FOXP2: variants seen among roughly 807,000 people sequenced by gnomAD.
FOXP2 encodes forkhead box P2, also known as forkhead box protein P2.
Under a neutral mutation model 115.8 loss-of-function variants are expected in FOXP2, and 12 were observed. That is an observed-to-expected ratio of 0.10 (90% confidence interval 0.07 to 0.17). The LOEUF (loss-of-function observed/expected upper bound fraction) is 0.17. FOXP2 is among the 10% of genes least tolerant of loss of function. FOXP2 has a pLI of 1.00. For synonymous variants in FOXP2, 328 were observed against 297.7 expected, an observed-to-expected ratio of 1.10 and a Z score of -1.05; for missense variants, 629 against 843.5, an observed-to-expected ratio of 0.75 and a Z score of 3.15.
chr7:114,497,934 C>A (rs1319226967), intron 2 of FOXP2, among the ~76,000 whole-genome samples: 1 of 152,018 alleles, frequency 6.6e-6, no homozygotes, highest in African/African-American at 2.4e-5. Flanking sequence ...TTAAAAAACT[C>A]AGCACTGTAC....
intron 3 of FOXP2, among the ~76,000 whole-genome samples, chr7:114,552,302 A>G (rs896795767): frequency 2.0e-5 from 3 of 152,166 alleles, no homozygotes; most frequent in African/African-American, 7.2e-5. Flanking sequence ...TGGGAGAGGC[A>G]CTGGGTTCAA....
intron 1 of FOXP2, among the ~76,000 whole-genome samples, chr7:114,101,899 T>TTGTGTG (rs5886693): frequency 0.052 from 7,376 of 142,364 alleles, 224 homozygotes; most frequent in South Asian, 0.083. Context: ...CTTCAACATT[T>TTGTGTG]TGTGTGTGTG....
At chr7:114,687,484 T>C (rs1808427563) in intron 16 of FOXP2, among the ~76,000 whole-genome samples, 1 of 152,208 alleles carries the variant, frequency 6.6e-6, no homozygotes, top group Non-Finnish European at 1.5e-5. Context: ...GACATCTTAA[T>C]ATAGCGTAAA....
At chr7:114,587,992 C>G (rs1168536836) in intron 3 of FOXP2, among the ~76,000 whole-genome samples, 2 of 150,638 alleles carry the variant, frequency 1.3e-5, no homozygotes, top group Admixed American at 1.3e-4. Context: ...AGTCTCAGCC[C>G]TATTGTTGAA....
chr7:114,321,491 C>T (rs1239905549), intron 2 of FOXP2, among the ~76,000 whole-genome samples: 2 of 152,072 alleles, frequency 1.3e-5, no homozygotes, highest in Non-Finnish European at 2.9e-5. Flanking sequence ...AGCCACCTGG[C>T]CTGGCCTCTA....
intron 1 of FOXP2, among the ~76,000 whole-genome samples, chr7:114,177,096 G>A (rs922883183): frequency 6.6e-6 from 1 of 151,980 alleles, no homozygotes; most frequent in South Asian, 2.1e-4. Flanking sequence ...CATTCTATTT[G>A]GGGGCATTTT....
intron 2 of FOXP2, among the ~76,000 whole-genome samples, chr7:114,464,208 T>C (rs1464152156): frequency 6.6e-6 from 1 of 151,996 alleles, no homozygotes; most frequent in African/African-American, 2.4e-5. Flanking sequence ...AAAGGGTAGA[T>C]ACTAAGACCT....
intron 2 of FOXP2, among the ~76,000 whole-genome samples, chr7:114,453,213 G>A (rs1162521792): frequency 6.6e-6 from 1 of 152,028 alleles, no homozygotes; most frequent in Non-Finnish European, 1.5e-5. Context: ...CCTGTAAATT[G>A]CATATAAATT....
intron 3 of FOXP2, among the ~76,000 whole-genome samples, chr7:114,583,081 G>A (rs1034659293): frequency 1.3e-5 from 2 of 152,124 alleles, no homozygotes; most frequent in African/African-American, 4.8e-5. Context: ...GTCCACAGTT[G>A]AAAAACTTTG....
rs1795471105 is a variant in FOXP2, at chr7:114,459,607, T to A, written c.168+32928T>A. Among the ~76,000 whole-genome samples, 4 of 152,148 alleles carry A rather than the reference T, an allele frequency of 2.6e-5. No individual in the cohort carries two copies. In the South Asian group the frequency reaches 8.3e-4, roughly 32 times the overall value. ...TGTTATTGTTTCTTTGGTTTTTTGTTTGTTTTTGTTTGTTTGTTTGTTTGT... is the reference window on the plus strand; with the variant it reads ...TGTTATTGTTTCTTTGGTTTTTTGTATGTTTTTGTTTGTTTGTTTGTTTGT... On this transcript the variant is annotated intron_variant, in intron 2 of 16. Coordinates refer to ENST00000350908, the MANE Select transcript of FOXP2 (RefSeq NM_014491.4).
At chr7:114,243,130 G>A (rs1662021073) in intron 1 of FOXP2, among the ~76,000 whole-genome samples, 1 of 152,058 alleles carries the variant, frequency 6.6e-6, no homozygotes, top group Non-Finnish European at 1.5e-5. Context: ...TCAAGTATGT[G>A]CTAGGTGTGA....
chr7:114,451,365 C>A (rs1473866165), intron 2 of FOXP2, among the ~76,000 whole-genome samples: 1 of 151,950 alleles, frequency 6.6e-6, no homozygotes, highest in African/African-American at 2.4e-5. Flanking sequence ...CAGCTGTTGA[C>A]CTTGGGCTAG....
At chr7:114,189,145 C>G (rs1416698259) in intron 1 of FOXP2, among the ~76,000 whole-genome samples, 1 of 151,966 alleles carries the variant, frequency 6.6e-6, no homozygotes, top group Non-Finnish European at 1.5e-5. Flanking sequence ...AAGCCTATAC[C>G]CAATTAACTT....
chr7:114,121,692 GA>G (rs1791571118), intron 1 of FOXP2, among the ~76,000 whole-genome samples: 1 of 152,066 alleles, frequency 6.6e-6, no homozygotes, highest in African/African-American at 2.4e-5. Flanking sequence ...GAAAGATTGA[GA>G]AACAATGTCA....
At chr7:114,280,602 C>T (rs1562851620) in intron 1 of FOXP2, among the ~76,000 whole-genome samples, 3 of 152,070 alleles carry the variant, frequency 2.0e-5, no homozygotes, top group Admixed American at 1.3e-4. Flanking sequence ...GATACAGTAA[C>T]TACAGAAGCC....
At chr7:114,166,431 T>C (rs1792982903) in intron 1 of FOXP2, among the ~76,000 whole-genome samples, 1 of 152,130 alleles carries the variant, frequency 6.6e-6, no homozygotes, top group South Asian at 2.1e-4. Context: ...TGGCCAGGTG[T>C]GGTGGCTCAC....
chr7:114,520,233 A>G (rs1028911715), intron 2 of FOXP2, among the ~76,000 whole-genome samples: 5 of 152,166 alleles, frequency 3.3e-5, no homozygotes, highest in African/African-American at 1.2e-4. Context: ...ATCCTTTTAA[A>G]TCACTATCCA....
chr7:114,384,116 C>T lies in FOXP2; in HGVS notation c.-10-42386C>T, dbSNP rs562808333. On this transcript the variant is annotated intron_variant, in intron 2 of 17. Transcript: ENST00000634411. ...GGACCTCTGCTTATCGGATTAGTTA[C>T]GCTCGCCGATGTAGCAGTCCTGCAC... Among the ~76,000 whole-genome samples the T allele has an allele frequency of 9.3e-5, 14 of 151,080 alleles. No individual in the cohort carries two copies. The East Asian group carries it at 2.7e-3, about 29-fold the overall frequency.
At chr7:114,476,749 G>C (rs992526152) in intron 2 of FOXP2, among the ~76,000 whole-genome samples, 1 of 152,006 alleles carries the variant, frequency 6.6e-6, no homozygotes, top group Non-Finnish European at 1.5e-5. Flanking sequence ...CCCAAACTGT[G>C]AGCATGGAAT....
Sources: gnomAD v4.1 joint callset for allele counts (sites outside exome capture counted in the v4.1 genomes callset) on GRCh38, gnomAD v4.1.1 for gene constraint, MANE v1.5 for transcripts, NCBI Gene and HGNC (gene_info 2026-07-23, HGNC 2026-07-21) for gene names.